The following BRWD1 variants were observed in gnomAD, a reference collection of about 807,000 sequenced individuals.
The protein encoded by BRWD1 is bromodomain and WD repeat-containing protein 1.
In BRWD1, 82 loss-of-function variants were observed where a neutral mutation model predicts 251.2. That is an observed-to-expected ratio of 0.33 (90% confidence interval 0.27 to 0.39). BRWD1 has a LOEUF of 0.39. Ranked by LOEUF, BRWD1 falls within the 10% of genes least tolerant of loss-of-function variation. BRWD1 has a pLI of 1.00. For missense variants in BRWD1, 2,233 were observed against 2,711.6 expected (o/e 0.82, Z 3.92); for synonymous variants, 918 against 902.8 (o/e 1.02, Z -0.30).
Position 39,196,459 on chromosome 21 carries a change from G to T in BRWD1, c.6610C>A (p.Arg2204Ser). The T allele has an allele frequency of 6.2e-7, 1 of 1,613,156 alleles. No individual in the cohort carries two copies. Among genetic ancestry groups the T allele is most frequent in the Non-Finnish European group, 8.5e-7 (1 of 1,179,614 alleles). The change falls in exon 41 of 41, where the codon CGT becomes AGT. Residue 2204 changes from arginine (R) to serine (S), a missense_variant. Around this residue, in one of 12 missense-constraint regions of BRWD1, gnomAD observed 928 missense variants for 970.0 expected, o/e 0.96. Transcript: ENST00000342449. ...FTANISKTVR[R>S]QRQSKRPRLS... is the part of the protein sequence containing the mutation. ...CTAGGGCGTTTGCTTTGTCTTTGAC[G>T]TCTCACAGTTTTAGATATGTTAGCT...
upstream of BRWD1, among the ~76,000 whole-genome samples, chr21:39,318,694 G>A (rs1342000821): frequency 6.6e-6 from 1 of 152,144 alleles, no homozygotes; most frequent in Non-Finnish European, 1.5e-5. Flanking sequence ...ACACAGGCAG[G>A]AGTGCAGTGG....
chr21:39,259,669 C>G (rs1283499712), intron 17 of BRWD1, among the ~76,000 whole-genome samples: 2 of 151,858 alleles, frequency 1.3e-5, no homozygotes, highest in Non-Finnish European at 2.9e-5. Flanking sequence ...CCAGTCTCTA[C>G]TGAAAATACA....
rs567940762 is a variant in BRWD1, at chr21:39,306,686, T to C, written c.198+6155A>G. ...TAAAGAAATATATTGGAGTAGTCCT[T>C]TTGTGTGAGGAACAGACTTAAAAGT... On this transcript the variant is annotated intron_variant, in intron 4 of 40. Coordinates refer to ENST00000342449, the MANE Select transcript of BRWD1 (RefSeq NM_033656.4). 2.6e-5 allele frequency among the ~76,000 whole-genome samples: 4 copies of C among 152,282 alleles called. 1 individual carries two copies. The highest frequency in any genetic ancestry group is 9.6e-5 in the African/African-American group (4 of 41,560).
intron 13 of BRWD1, among the ~76,000 whole-genome samples, chr21:39,273,271 T>C (rs191963995): frequency 2.7e-4 from 41 of 152,328 alleles, no homozygotes; most frequent in Admixed American, 2.4e-3. Context: ...TAATCAAGGA[T>C]TGACAGTATT....
At chr21:39,230,866 A>G (rs2033586733) in intron 25 of BRWD1, among the ~76,000 whole-genome samples, 1 of 151,970 alleles carries the variant, frequency 6.6e-6, no homozygotes, top group Non-Finnish European at 1.5e-5. Flanking sequence ...CATGCTCGTC[A>G]GGCAAGTCAA....
chr21:39,241,459 T>G (rs1319169287), intron 21 of BRWD1, among the ~76,000 whole-genome samples: 1 of 78,002 alleles, frequency 1.3e-5, no homozygotes, highest in Non-Finnish European at 2.3e-5. Flanking sequence ...CAGAGCAAGA[T>G]TCCATCTCCA....
chr21:39,263,088 G>C (rs1176691448), intron 17 of BRWD1, among the ~76,000 whole-genome samples: 1 of 152,090 alleles, frequency 6.6e-6, no homozygotes, highest in Non-Finnish European at 1.5e-5. Flanking sequence ...CTGGGGAAAC[G>C]AGTAAGACCC....
At chr21:39,205,945 T>C (rs996146632) in intron 37 of BRWD1, among the ~76,000 whole-genome samples, 163 bp downstream of exon 37, 1 of 151,600 alleles carries the variant, frequency 6.6e-6, no homozygotes, top group Non-Finnish European at 1.5e-5. Flanking sequence ...CCAGATGTGA[T>C]GGTGTGCGCC....
chr21:39,299,260 AT>A (rs5843956), intron 4 of BRWD1, among the ~76,000 whole-genome samples: 68,578 of 147,836 alleles, frequency 0.46, 15,711 homozygotes, highest in Admixed American at 0.52. Flanking sequence ...AAAAAAAAAA[AT>A]ATATATATAT....
chr21:39,316,177 A>C (rs1055685853), upstream of BRWD1, among the ~76,000 whole-genome samples: 1 of 152,218 alleles, frequency 6.6e-6, no homozygotes, highest in Non-Finnish European at 1.5e-5. Context: ...GAAATGATGC[A>C]TGAGGGCGTT....
At chr21:39,201,036 T>C (rs2032083883) in intron 38 of BRWD1, among the ~76,000 whole-genome samples, 1 of 152,202 alleles carries the variant, frequency 6.6e-6, no homozygotes, top group Non-Finnish European at 1.5e-5. Context: ...TTCTGTGATA[T>C]CAGATAGGTA....
intron 25 of BRWD1, 57 bp downstream of exon 25, chr21:39,232,120 T>A (rs2033639231): frequency 7.9e-7 from 1 of 1,268,152 alleles, no homozygotes; most frequent in Non-Finnish European, 1.1e-6. Context: ...GATTTGTAAG[T>A]AATTTAACTA....
chr21:39,235,813 GT>G, intron 23 of BRWD1: 1 of 173,622 alleles, frequency 5.8e-6, no homozygotes, highest in Non-Finnish European at 1.3e-5. Flanking sequence ...CCAGCACCCA[GT>G]TTCACTGCGG....
chr21:39,314,040 C>G (rs954923069), upstream of BRWD1: 4 of 455,486 alleles, frequency 8.8e-6, no homozygotes, highest in African/African-American at 8.0e-5. Context: ...CCCCGAGTCG[C>G]GGGTTGGGCA....
intron 1 of BRWD1, 58 bp from the exon 2 acceptor site, chr21:39,313,357 C>CCGGGG (rs757404640): frequency 0.12 from 172,774 of 1,472,202 alleles, 11,275 homozygotes; most frequent in Admixed American, 0.13. Flanking sequence ...GGGACGGGGC[C>CCGGGG]AGGGGAGCCG....
At chr21:39,273,155 T>C (rs1245343751) in intron 13 of BRWD1, among the ~76,000 whole-genome samples, 1 of 152,178 alleles carries the variant, frequency 6.6e-6, no homozygotes, top group Non-Finnish European at 1.5e-5. Flanking sequence ...TCAGTCTCAT[T>C]TAAAAATTTT....
At chr21:39,247,282 G>A (rs1254518811) in intron 21 of BRWD1, among the ~76,000 whole-genome samples, 1 of 152,212 alleles carries the variant, frequency 6.6e-6, no homozygotes. Flanking sequence ...ATATACTACA[G>A]GTTATATACC....
At chr21:39,319,655 A>G (rs990357708) in intron 1 of BRWD1, among the ~76,000 whole-genome samples, 10 of 152,242 alleles carry the variant, frequency 6.6e-5, no homozygotes, top group African/African-American at 2.4e-4. Flanking sequence ...ATCATGAGAC[A>G]GCTAGAGGTG....
In BRWD1 at chr21:39,189,527, A is replaced by ATCC. The variant is rs2031434290; in HGVS notation, c.*6731_*6732insGGA. ...AGGTTTTTAAAAAATACTTAAGGAA[A>ATCC]TTTGAACTTCAGTAACTATGCCCAA... On this transcript the variant is annotated 3_prime_UTR_variant, in exon 41 of 41. Transcript: ENST00000342449. The ATCC allele has an allele frequency of 1.0e-6, 1 of 983,072 alleles. No homozygotes were observed. Among genetic ancestry groups the ATCC allele is most frequent in the Non-Finnish European group, 1.2e-6 (1 of 827,906 alleles). 60.9% of individuals were successfully genotyped at this position (983,072 alleles called of 1,614,324 possible). A position where few individuals can be genotyped will look rare whatever the true frequency, so the allele number is the denominator to read the frequency against.
Sources: allele counts gnomAD v4.1 joint callset (sites outside exome capture counted in the v4.1 genomes callset), GRCh38; gene constraint gnomAD v4.1.1; regional missense constraint gnomAD v4.1.1; transcripts MANE v1.5; gene names NCBI Gene and HGNC (gene_info 2026-07-23, HGNC 2026-07-21).